The following RBFOX1 variants were observed in gnomAD, a reference collection of about 807,000 sequenced individuals.
RBFOX1 encodes the protein RNA binding fox-1 homolog 1.
Under a neutral mutation model 57.7 loss-of-function variants are expected in RBFOX1, and 8 were observed. The ratio of observed to expected loss-of-function variants is 0.14; its 90% CI spans 0.08 to 0.25. The LOEUF is 0.25. Among genes scored for constraint, RBFOX1 ranks in the 10% least tolerant of loss-of-function variants. The pLI is 1.00. For missense variants in RBFOX1, 611 were observed against 548.5 expected, an observed-to-expected ratio of 1.11 and a Z score of -1.14; for synonymous variants, 326 against 222.4, an observed-to-expected ratio of 1.47 and a Z score of -4.15.
intron 2 of RBFOX1, among the ~76,000 whole-genome samples, chr16:6,491,354 A>C (rs1228858603): frequency 6.6e-6 from 1 of 152,096 alleles, no homozygotes; most frequent in Admixed American, 6.6e-5. Flanking sequence ...AATAAAGATA[A>C]CTAGTGATAA....
At chr16:6,930,302 A>G (rs1333605672) in intron 3 of RBFOX1, among the ~76,000 whole-genome samples, 1 of 152,172 alleles carries the variant, frequency 6.6e-6, no homozygotes, top group Non-Finnish European at 1.5e-5. Flanking sequence ...ATATATACAA[A>G]TGGCCAATAT....
At chr16:6,728,616 A>C (rs1298976841) in intron 3 of RBFOX1, among the ~76,000 whole-genome samples, 2 of 152,188 alleles carry the variant, frequency 1.3e-5, no homozygotes, top group African/African-American at 4.8e-5. Context: ...GCTGCCTCAT[A>C]TTGGAGCTGC....
intron 2 of RBFOX1, among the ~76,000 whole-genome samples, chr16:6,544,075 C>T (rs532712779): frequency 7.2e-5 from 11 of 152,354 alleles, no homozygotes; most frequent in Non-Finnish European, 5.9e-5. Context: ...TGTGTGCCAT[C>T]TGGCCCATGA....
At chr16:6,084,820 G>A (rs1244816954) in intron 1 of RBFOX1, among the ~76,000 whole-genome samples, 1 of 152,126 alleles carries the variant, frequency 6.6e-6, no homozygotes, top group Admixed American at 6.5e-5. Context: ...CAGATGGGGA[G>A]TCTGAGACCC....
chr16:5,311,012 C>G (rs554924156), intron 1 of RBFOX1, among the ~76,000 whole-genome samples: 10 of 152,216 alleles, frequency 6.6e-5, no homozygotes, highest in African/African-American at 2.2e-4. Context: ...GCTTCTGAGT[C>G]TTCATTGTCT....
chr16:5,365,979 G>A (rs1338590193), intron 1 of RBFOX1: 1 of 497,454 alleles, frequency 2.0e-6, no homozygotes, highest in East Asian at 5.4e-5. Context: ...CATTGTGGAA[G>A]CAGAGGCAGT....
intron 4 of RBFOX1, among the ~76,000 whole-genome samples, chr16:7,197,990 C>CTTTCTTTA (rs2087192510): frequency 1.1e-5 from 1 of 88,156 alleles, no homozygotes; most frequent in Admixed American, 1.1e-4. Flanking sequence ...TTGTGGTTTT[C>CTTTCTTTA]TTTCTTTCTT....
intron 3 of RBFOX1, among the ~76,000 whole-genome samples, chr16:6,930,381 A>C (rs2076306593): frequency 6.6e-6 from 1 of 152,036 alleles, no homozygotes; most frequent in South Asian, 2.1e-4. Context: ...ATGAGATACC[A>C]CCTCACACCC....
chr16:7,369,030 T>C (rs1248928371), intron 4 of RBFOX1, among the ~76,000 whole-genome samples: 3 of 151,978 alleles, frequency 2.0e-5, no homozygotes, highest in African/African-American at 7.2e-5. Context: ...AACAGGATGA[T>C]GGTGAAGAGA....
At chr16:7,501,643 G>C (rs1346152979) in intron 4 of RBFOX1, among the ~76,000 whole-genome samples, 1 of 152,174 alleles carries the variant, frequency 6.6e-6, no homozygotes, top group Non-Finnish European at 1.5e-5. Context: ...CAGACTATCA[G>C]ATATTCTGTC....
chr16:6,162,596 C>T (rs910159977), intron 1 of RBFOX1, among the ~76,000 whole-genome samples: 10 of 152,172 alleles, frequency 6.6e-5, no homozygotes, highest in African/African-American at 1.2e-4. Context: ...CACCCAACAA[C>T]AGTGGTAACA....
At chr16:7,639,420 T>G (rs1369465416) in intron 11 of RBFOX1, among the ~76,000 whole-genome samples, 1 of 152,166 alleles carries the variant, frequency 6.6e-6, no homozygotes, top group Non-Finnish European at 1.5e-5. Flanking sequence ...GATAATTCCT[T>G]CTAGTTTTTA....
Position 6,019,126 on chromosome 16 carries a change from C to T in RBFOX1, c.-993C>T. On this transcript the variant is annotated 5_prime_UTR_variant, in exon 1 of 16. Transcript: ENST00000550418. This position sits in a 1 kb window ranked among gnomAD's most constrained non-coding sequence, Gnocchi z 4.2. ...ACACACATGCACACATTTTCTCGCG[C>T]TCTCTCCGGCTCTCCTTTGTTTATT... 1 of 985,020 alleles carries T rather than the reference C, an allele frequency of 1.0e-6. No individual in the cohort carries two copies. The highest frequency in any genetic ancestry group is 1.2e-6 in the Non-Finnish European group (1 of 829,920). The allele number at this position is 985,020 out of a possible 1,614,324, so 61.0% of individuals were successfully genotyped here.
intron 4 of RBFOX1, among the ~76,000 whole-genome samples, chr16:7,222,938 AT>A (rs143420886): frequency 6.6e-6 from 1 of 151,672 alleles, no homozygotes; most frequent in East Asian, 1.9e-4. Flanking sequence ...ATTTGCAGCG[AT>A]TTTTTTTTCT....
At chr16:7,170,761 A>G (rs544201273) in intron 4 of RBFOX1, among the ~76,000 whole-genome samples, 1 of 152,196 alleles carries the variant, frequency 6.6e-6, no homozygotes, top group Non-Finnish European at 1.5e-5. Context: ...TGTCTTCATG[A>G]GCAGCTACAG....
At chr16:6,182,284 T>C (rs914940925) in intron 1 of RBFOX1, among the ~76,000 whole-genome samples, 4 of 152,172 alleles carry the variant, frequency 2.6e-5, no homozygotes, top group African/African-American at 7.2e-5. Context: ...TTTAGTTTTT[T>C]CCCCCAATTT....
intron 3 of RBFOX1, among the ~76,000 whole-genome samples, chr16:6,882,478 C>T (rs111983480): frequency 6.6e-6 from 1 of 152,010 alleles, no homozygotes; most frequent in Non-Finnish European, 1.5e-5. Context: ...CTTGTAATCC[C>T]AGCTACTCCG....
At chr16:6,935,859 C>G (rs994265795) in intron 3 of RBFOX1, among the ~76,000 whole-genome samples, 25 of 152,106 alleles carry the variant, frequency 1.6e-4, no homozygotes, top group African/African-American at 5.8e-4. Context: ...TGGTCTAGAT[C>G]CTAGAAAGGA....
intron 4 of RBFOX1, among the ~76,000 whole-genome samples, chr16:7,453,596 C>T (rs1314212536): frequency 1.3e-5 from 2 of 152,118 alleles, no homozygotes; most frequent in African/African-American, 4.8e-5. Context: ...CTTTGATGAG[C>T]AGGCACTGTA....
Sources: allele counts gnomAD v4.1 joint callset (sites outside exome capture counted in the v4.1 genomes callset), GRCh38; gene constraint gnomAD v4.1.1; non-coding constraint Gnocchi (gnomAD v3.1); transcripts MANE v1.5; gene names NCBI Gene and HGNC (gene_info 2026-07-23, HGNC 2026-07-21).